Variants in GRM7 observed in about 807,000 individuals in gnomAD.
The protein encoded by GRM7 is glutamate metabotropic receptor 7.
A neutral mutation model predicts 84.5 loss-of-function variants in GRM7; 35 were observed. That is an observed-to-expected ratio of 0.41 (90% CI 0.32 to 0.55). The LOEUF is 0.55. Ranked by LOEUF, GRM7 falls within the 20% of genes least tolerant of loss-of-function variation. The pLI, the probability that GRM7 is intolerant of heterozygous loss-of-function variation, is 0.19. For missense variants in GRM7, 1,003 were observed against 1,194.6 expected, an observed-to-expected ratio of 0.84 and a Z score of 2.36; for synonymous variants, 487 against 455.1, an observed-to-expected ratio of 1.07 and a Z score of -0.89.
intron 1 of GRM7, among the ~76,000 whole-genome samples, chr3:7,013,988 C>T (rs1167489965): frequency 6.6e-6 from 1 of 152,012 alleles, no homozygotes; most frequent in Admixed American, 6.5e-5. Flanking sequence ...CCTTGATTTG[C>T]AGTATATAAA....
intron 7 of GRM7, among the ~76,000 whole-genome samples, chr3:7,566,919 G>A (rs1276031032): frequency 6.6e-6 from 1 of 152,116 alleles, no homozygotes; most frequent in Non-Finnish European, 1.5e-5. Flanking sequence ...CAATTTCTCT[G>A]GGAGTTTTGA....
At chr3:6,956,931 A>G (rs1693077624) in intron 1 of GRM7, among the ~76,000 whole-genome samples, 1 of 152,214 alleles carries the variant, frequency 6.6e-6, no homozygotes, top group South Asian at 2.1e-4. Flanking sequence ...ATAACATGCA[A>G]TGATACTTTA....
intron 1 of GRM7, among the ~76,000 whole-genome samples, chr3:6,993,375 G>A (rs1694716629): frequency 6.6e-6 from 1 of 152,082 alleles, no homozygotes; most frequent in African/African-American, 2.4e-5. Context: ...ACAAGCCTTC[G>A]AACAAATATA....
chr3:7,100,301 T>G (rs1292931047), intron 1 of GRM7, among the ~76,000 whole-genome samples: 1 of 151,696 alleles, frequency 6.6e-6, no homozygotes, highest in Non-Finnish European at 1.5e-5. Flanking sequence ...AATGTAGGAT[T>G]GTCTCTCTGG....
intron 3 of GRM7, among the ~76,000 whole-genome samples, chr3:7,306,249 T>C (rs1700190666): frequency 6.6e-6 from 1 of 152,216 alleles, no homozygotes; most frequent in South Asian, 2.1e-4. Flanking sequence ...TTTACCTTAT[T>C]GGACATTTGT....
chr3:7,661,125 A>G (rs984486329), intron 8 of GRM7, among the ~76,000 whole-genome samples: 3 of 152,210 alleles, frequency 2.0e-5, no homozygotes, highest in African/African-American at 7.2e-5. Context: ...GAAATTAGAA[A>G]CTTCTGTTTT....
intron 1 of GRM7, among the ~76,000 whole-genome samples, chr3:7,083,638 G>A (rs1574878829): frequency 6.6e-6 from 1 of 152,160 alleles, no homozygotes; most frequent in East Asian, 1.9e-4. Flanking sequence ...TGTATAAACA[G>A]CTACTTTGTG....
At chr3:7,458,810 A>G (rs772432891) in intron 6 of GRM7, among the ~76,000 whole-genome samples, 1 of 152,186 alleles carries the variant, frequency 6.6e-6, no homozygotes, top group African/African-American at 2.4e-5. Context: ...ATTACAGTAA[A>G]GCACATGAAT....
chr3:7,255,389 A>G (rs1376381537), intron 2 of GRM7, among the ~76,000 whole-genome samples: 2 of 152,200 alleles, frequency 1.3e-5, no homozygotes, highest in Non-Finnish European at 2.9e-5. Flanking sequence ...TTTTAAAGTA[A>G]ATGGCCTCCC....
At chr3:7,287,460 G>C (rs1699470274) in intron 2 of GRM7, among the ~76,000 whole-genome samples, 1 of 152,056 alleles carries the variant, frequency 6.6e-6, no homozygotes, top group Non-Finnish European at 1.5e-5. Context: ...CTGGGACTTG[G>C]GAAGCATTTA....
At chr3:6,996,056 T>C (rs1401523951) in intron 1 of GRM7, among the ~76,000 whole-genome samples, 2 of 142,098 alleles carry the variant, frequency 1.4e-5, no homozygotes, top group Non-Finnish European at 1.6e-5. Context: ...TTCTACAATA[T>C]ATTTTTTTTT....
intron 1 of GRM7, among the ~76,000 whole-genome samples, chr3:6,906,908 A>T (rs1475999157): frequency 2.0e-5 from 3 of 152,204 alleles, no homozygotes; most frequent in African/African-American, 7.2e-5. Context: ...CATATTTAGC[A>T]TGTGCAATCT....
intron 1 of GRM7, among the ~76,000 whole-genome samples, chr3:7,089,290 A>G (rs1167317178): frequency 1.3e-5 from 2 of 152,232 alleles, no homozygotes; most frequent in Non-Finnish European, 2.9e-5. Flanking sequence ...GAAAGGTATA[A>G]AAGTAGAAAG....
intron 4 of GRM7, among the ~76,000 whole-genome samples, chr3:7,414,450 C>T (rs1253127873): frequency 6.6e-6 from 1 of 152,128 alleles, no homozygotes; most frequent in Non-Finnish European, 1.5e-5. Context: ...CACTCTGACT[C>T]TCTTGCAAGA....
At chr3:7,264,266 T>C (rs978902290) in intron 2 of GRM7, among the ~76,000 whole-genome samples, 12 of 152,156 alleles carry the variant, frequency 7.9e-5, no homozygotes, top group Non-Finnish European at 1.6e-4. Context: ...AAGTCTCTTA[T>C]GGGAGCAAGT....
chr3:6,869,007 A>G (rs928157380), intron 1 of GRM7, among the ~76,000 whole-genome samples: 1 of 152,156 alleles, frequency 6.6e-6, no homozygotes, highest in Admixed American at 6.6e-5. Context: ...CTTCTACATT[A>G]TTGTTTAAAT....
At chr3:7,067,976 GAAC>G (rs1393654045) in intron 1 of GRM7, among the ~76,000 whole-genome samples, 2 of 151,846 alleles carry the variant, frequency 1.3e-5, no homozygotes, top group East Asian at 3.9e-4. Flanking sequence ...CGAATATTCA[GAAC>G]AACTATTCAG....
chr3:7,249,621 T>C (rs57563453), intron 2 of GRM7, among the ~76,000 whole-genome samples: 2,864 of 152,180 alleles, frequency 0.019, 90 homozygotes, highest in African/African-American at 0.065. Context: ...ACTAAACAAA[T>C]GACTGCATCA....
At chr3:7,033,398 A>G (rs1366193382) in intron 1 of GRM7, among the ~76,000 whole-genome samples, 1 of 152,206 alleles carries the variant, frequency 6.6e-6, no homozygotes, top group Non-Finnish European at 1.5e-5. Flanking sequence ...AAAATATAAT[A>G]TGAAGAACCT....
Sources: allele counts gnomAD v4.1 joint callset (sites outside exome capture counted in the v4.1 genomes callset), GRCh38; gene constraint gnomAD v4.1.1; transcripts MANE v1.5; gene names NCBI Gene and HGNC (gene_info 2026-07-23, HGNC 2026-07-21).